The following DOT1L variants were observed in gnomAD, a reference collection of about 807,000 sequenced individuals.
DOT1L encodes histone-lysine N-methyltransferase, H3 lysine-79 specific.
Under a neutral mutation model 153.3 loss-of-function variants are expected in DOT1L, and 33 were observed. The observed-to-expected ratio is 0.22, with a 90% CI of 0.16 to 0.29. DOT1L has a LOEUF of 0.29. Among genes scored for constraint, DOT1L ranks in the 10% least tolerant of loss-of-function variants. The pLI is 1.00. For missense variants in DOT1L, 1,847 were observed against 2,119.9 expected (o/e 0.87, Z 2.53); for synonymous variants, 1,135 against 965.1 (o/e 1.18, Z -3.26).
chr19:2,213,501 G>T lies in DOT1L; in HGVS notation c.1558-38G>T, dbSNP rs778197879. ...CCTCCCTGTGGGCCCTCAGTCACCTGCCCTGGCCCTTAGTCACCTGCCCTG... is the reference window on the plus strand; with the variant it reads ...CCTCCCTGTGGGCCCTCAGTCACCTTCCCTGGCCCTTAGTCACCTGCCCTG... On this transcript the variant is annotated intron_variant, in intron 16 of 27. Coordinates refer to ENST00000398665, the MANE Select transcript of DOT1L (RefSeq NM_032482.3). The T allele has an allele frequency of 3.1e-6, 5 of 1,604,552 alleles. No individual in the cohort carries two copies. In the East Asian group the frequency reaches 1.1e-4, roughly 36 times the overall value.
At chr19:2,228,093 G>A (rs958498166) in intron 27 of DOT1L, 5 of 1,346,644 alleles carry the variant, frequency 3.7e-6, no homozygotes, top group Non-Finnish European at 4.9e-6. Context: ...GCCTAACCAA[G>A]CTTTCTTGCC....
rs775671299 is a variant in DOT1L, at chr19:2,230,253, C to T, written c.*461C>T. 1.7e-4 allele frequency: 69 copies of T among 416,122 alleles called. No homozygotes were observed. The highest frequency in any genetic ancestry group is 1.7e-4 in the Admixed American group (4 of 24,070). 25.8% of individuals were successfully genotyped at this position (416,122 alleles called of 1,614,324 possible). On this transcript the variant is annotated 3_prime_UTR_variant, in exon 28 of 28. Coordinates refer to ENST00000398665, the MANE Select transcript of DOT1L (RefSeq NM_032482.3). Reference sequence around the variant, plus strand: ...GAACCCCGTTCTCGGAAACGCCGCCCGGCCGGCTCCCCCGACGCGCTGCTC... The same window carrying T: ...GAACCCCGTTCTCGGAAACGCCGCCTGGCCGGCTCCCCCGACGCGCTGCTC...
At chr19:2,166,853 C>T (rs2144639318) in intron 1 of DOT1L, among the ~76,000 whole-genome samples, 1 of 152,300 alleles carries the variant, frequency 6.6e-6, no homozygotes, top group African/African-American at 2.4e-5. Context: ...CCCCCAGCTT[C>T]CCTGCGGCGC....
Position 2,231,999 on chromosome 19 carries a change from C to G in DOT1L, c.*2207C>G, listed in dbSNP as rs569042745. The G allele has an allele frequency of 1.4e-5, 3 of 209,118 alleles. No individual in the cohort carries two copies. The highest frequency in any genetic ancestry group is 1.4e-4 in the East Asian group (2 of 13,946). The allele number at this position is 209,118 out of a possible 1,614,324, so 13.0% of individuals were successfully genotyped here. A position where few individuals can be genotyped will look rare whatever the true frequency, so the allele number is the denominator to read the frequency against. On this transcript the variant is annotated 3_prime_UTR_variant, in exon 28 of 28. Transcript: ENST00000398665. ...GGCTGCCTGCGGACACCCTCCTGTT[C>G]TGAGCCCTGGGCCTGTGTTCTTCTC...
chr19:2,227,750 C>T (rs2024413875), intron 27 of DOT1L: 3 of 1,318,234 alleles, frequency 2.3e-6, no homozygotes, highest in South Asian at 1.2e-5. Flanking sequence ...TCTTTAACCA[C>T]GCGGTGCCCT....
intron 4 of DOT1L, 99 bp downstream of exon 4, chr19:2,189,894 T>A (rs1386105652): frequency 1.5e-6 from 2 of 1,312,850 alleles, no homozygotes; most frequent in Non-Finnish European, 2.2e-6. Flanking sequence ...GAGCTCCCCT[T>A]AGAGCCCCTG....
chr19:2,194,925 C>G (rs2022953551), intron 7 of DOT1L, among the ~76,000 whole-genome samples: 1 of 152,186 alleles, frequency 6.6e-6, no homozygotes. Context: ...GGTGTCATCC[C>G]TCACTGGGGA....
rs1263006491 is a variant in DOT1L, at chr19:2,230,744, AG to A, written c.*956del. On this transcript the variant is annotated 3_prime_UTR_variant, in exon 28 of 28. Transcript: ENST00000398665. ...GCACAGTGAAGAGGAAAGAAAAGCG[AG>A]GGGAAAAAACCTTATTTATTCAAAC... 3.0e-5 allele frequency: 12 copies of A among 397,390 alleles called. No individual in the cohort carries two copies. The highest frequency in any genetic ancestry group is 1.3e-4 in the Admixed American group (3 of 22,704). The allele number at this position is 397,390 out of a possible 1,614,324, so 24.6% of individuals were successfully genotyped here.
At chr19:2,211,672 G>A (rs1453649544) in intron 15 of DOT1L, 79 bp from the exon 16 acceptor site, 4 of 1,304,972 alleles carry the variant, frequency 3.1e-6, no homozygotes, top group South Asian at 1.3e-5. Context: ...CCTGGGACTC[G>A]TTCTCAAGGG....
intron 2 of DOT1L, among the ~76,000 whole-genome samples, chr19:2,184,079 G>T (rs2022376860): frequency 6.6e-6 from 1 of 152,228 alleles, no homozygotes; most frequent in Non-Finnish European, 1.5e-5. Context: ...ACGGGACTGA[G>T]TGAAGACCGT....
Position 2,204,712 on chromosome 19 carries a change from C to T in DOT1L, c.787+1933C>T, listed in dbSNP as rs974003666. ...TGGCCAGTAGTGCTGATTCTAGGGGCCTTGATGGTCCCAGACATGCCCATG... is the reference window on the plus strand; with the variant it reads ...TGGCCAGTAGTGCTGATTCTAGGGGTCTTGATGGTCCCAGACATGCCCATG... On this transcript the variant is annotated intron_variant, in intron 9 of 27. Coordinates refer to ENST00000398665, the MANE Select transcript of DOT1L (RefSeq NM_032482.3). This position sits in a 1 kb window ranked among gnomAD's most constrained non-coding sequence, Gnocchi z 5.7. Among the ~76,000 whole-genome samples the T allele has an allele frequency of 6.6e-6, 1 of 152,164 alleles. No individual in the cohort carries two copies. The highest frequency in any genetic ancestry group is 2.4e-5 in the African/African-American group (1 of 41,422).
At chr19:2,179,833 C>G (rs1170572184) in intron 1 of DOT1L, among the ~76,000 whole-genome samples, 1 of 152,320 alleles carries the variant, frequency 6.6e-6, no homozygotes, top group African/African-American at 2.4e-5. Flanking sequence ...CTCGCTGTTT[C>G]CCAGGCTGGC....
At position 2,180,767 on chromosome 19, in the gene DOT1L, G is replaced by T. The variant is rs148954379; in HGVS notation, c.125+11G>T. 1 of 1,613,798 alleles carries T rather than the reference G, an allele frequency of 6.2e-7. No homozygotes were observed. The highest frequency in any genetic ancestry group is 2.2e-5 in the East Asian group (1 of 44,882). On this transcript the variant is annotated intron_variant, in intron 2 of 27. Transcript: ENST00000398665. ...CATCGAGACCATCCGGTGAGTGCACGGCCTGCAGTGTGTTGTCTTCACAGC... is the reference window on the plus strand; with the variant it reads ...CATCGAGACCATCCGGTGAGTGCACTGCCTGCAGTGTGTTGTCTTCACAGC...
At chr19:2,166,712 C>A (rs1418646282) in intron 1 of DOT1L, among the ~76,000 whole-genome samples, 3 of 152,224 alleles carry the variant, frequency 2.0e-5, no homozygotes, top group Non-Finnish European at 4.4e-5. Flanking sequence ...CACCTGGCCT[C>A]ACATTTATTC....
In DOT1L at chr19:2,226,345, T is replaced by C; in HGVS notation, c.3824T>C (p.Phe1275Ser). The C allele has an allele frequency of 1.9e-6, 3 of 1,593,778 alleles. No homozygotes were observed. Among genetic ancestry groups the C allele is most frequent in the Non-Finnish European group, 2.6e-6 (3 of 1,172,180 alleles). ...CTCAGCCAGAACTCCCTGTTCACGT[T>C]CCGGCCCGCCCTGGAGGAGCCCTCT... is the stretch of plus-strand genomic sequence containing the variant. ...SALSQNSLFT[F>S]RPALEEPSAD... Residue 1275 changes from phenylalanine (F) to serine (S), a missense_variant, in exon 27 of 28, where the codon TTC (phenylalanine) becomes TCC (serine). This residue lies in a region of DOT1L where 934 missense variants were observed against 825.3 expected (regional missense o/e 1.13). Coordinates refer to ENST00000398665, the MANE Select transcript of DOT1L (RefSeq NM_032482.3).
chr19:2,168,373 A>G (rs2020006696), intron 1 of DOT1L, among the ~76,000 whole-genome samples: 1 of 152,202 alleles, frequency 6.6e-6, no homozygotes, highest in Non-Finnish European at 1.5e-5. Context: ...TGTGCTGAGT[A>G]CAAGGTCAGC....
intron 27 of DOT1L, 60 bp downstream of exon 27, chr19:2,227,187 T>A (rs532432503): frequency 1.9e-6 from 3 of 1,576,464 alleles, no homozygotes; most frequent in Non-Finnish European, 2.6e-6. Flanking sequence ...GCCCCTTCCT[T>A]TGCAGGTTCC....
rs997759569 is a variant in DOT1L at position 2,197,049 on chromosome 19, G to T, written c.651+2472G>T. 6.6e-6 allele frequency among the ~76,000 whole-genome samples: 1 copy of T among 152,228 alleles called. No individual in the cohort carries two copies. The highest frequency in any genetic ancestry group is 2.4e-5 in the African/African-American group (1 of 41,456). ...GTGCGATTCTGTTTATCCAAGGTGG[G>T]ATTCTGCTGGCTGATGGGCCGCTGA... On this transcript the variant is annotated intron_variant, in intron 7 of 27. Coordinates refer to ENST00000398665, the MANE Select transcript of DOT1L (RefSeq NM_032482.3). The surrounding 1 kb of genome is among the most constrained non-coding windows in gnomAD (Gnocchi z 4.1).
intron 27 of DOT1L, 57 bp from the exon 28 acceptor site, chr19:2,229,728 G>T (rs1448785647): frequency 6.2e-7 from 1 of 1,611,276 alleles, no homozygotes; most frequent in Admixed American, 1.7e-5. Context: ...TGAGTGTTGG[G>T]CTCCCCCAGG....
Sources: gnomAD v4.1 joint callset for allele counts (sites outside exome capture counted in the v4.1 genomes callset) on GRCh38, gnomAD v4.1.1 for gene constraint, gnomAD v4.1.1 regional missense constraint, Gnocchi (gnomAD v3.1) non-coding constraint, MANE v1.5 for transcripts, NCBI Gene and HGNC (gene_info 2026-07-23, HGNC 2026-07-21) for gene names.